Variants in FHIT observed in about 807,000 individuals in gnomAD.
FHIT encodes fragile histidine triad diadenosine triphosphatase, also known as bis(5'-adenosyl)-triphosphatase.
FHIT carries 19 observed loss-of-function variants against 17.9 expected under a neutral mutation model. The observed-to-expected ratio is 1.06, with a 90% CI of 0.74 to 1.56. The LOEUF is 1.56. Ranked by LOEUF, FHIT falls within the 40% of genes most tolerant of loss-of-function variation. The pLI, the probability that FHIT is intolerant of heterozygous loss-of-function variation, is 0.00. For synonymous variants in FHIT, 81 were observed against 69.7 expected (o/e 1.16, Z -0.81); for missense variants, 248 against 189.2 (o/e 1.31, Z -1.82).
chr3:59,957,478 T>C (rs1385011657), intron 7 of FHIT, among the ~76,000 whole-genome samples: 3 of 152,216 alleles, frequency 2.0e-5, no homozygotes, highest in Non-Finnish European at 2.9e-5. Context: ...TTTTGTTATA[T>C]CTACCATAAA....
At chr3:60,764,813 A>T (rs1553720954) in intron 4 of FHIT, among the ~76,000 whole-genome samples, 1 of 151,308 alleles carries the variant, frequency 6.6e-6, no homozygotes, top group African/African-American at 2.4e-5. Context: ...TATATAAATG[A>T]CATGTCAATA....
At chr3:60,972,240 A>T (rs1364901285) in intron 3 of FHIT, among the ~76,000 whole-genome samples, 2 of 152,094 alleles carry the variant, frequency 1.3e-5, no homozygotes. Context: ...CCTCTGACTG[A>T]GGAGCTCCTT....
intron 5 of FHIT, among the ~76,000 whole-genome samples, chr3:60,433,270 GT>G (rs963945803): frequency 4.6e-5 from 7 of 151,908 alleles, no homozygotes; most frequent in African/African-American, 9.6e-5. Context: ...ATATATATAT[GT>G]GGGGGGTGTA....
At chr3:60,620,584 G>A (rs113509197) in intron 4 of FHIT, among the ~76,000 whole-genome samples, 1,837 of 149,194 alleles carry the variant, frequency 0.012, 49 homozygotes, top group African/African-American at 0.044. Flanking sequence ...GGGATACATT[G>A]GAAAAAAAAA....
At chr3:60,045,712 T>C (rs781012633) in intron 5 of FHIT, among the ~76,000 whole-genome samples, 2 of 152,172 alleles carry the variant, frequency 1.3e-5, no homozygotes, top group African/African-American at 4.8e-5. Context: ...AACAAATGGA[T>C]TGATCTGGAA....
In FHIT at chr3:61,173,042, G is replaced by A. The variant is rs115640457; in HGVS notation, c.-164+27575C>T. On this transcript the variant is annotated intron_variant, in intron 2 of 9. Coordinates refer to ENST00000492590, the MANE Select transcript of FHIT (RefSeq NM_002012.4). Reference sequence around the variant, plus strand: ...GGAAATACTACCATGGAGGAGACAGGGCCAGATGTTGCCATGTCTTCCCAG... The same window carrying A: ...GGAAATACTACCATGGAGGAGACAGAGCCAGATGTTGCCATGTCTTCCCAG... Among the ~76,000 whole-genome samples the A allele has an allele frequency of 7.5e-3, 1,136 of 152,166 alleles. 12 individuals carry two copies. The highest frequency in any genetic ancestry group is 0.026 in the African/African-American group (1,090 of 41,500).
intron 5 of FHIT, among the ~76,000 whole-genome samples, chr3:60,523,040 G>C (rs940294810): frequency 2.6e-5 from 4 of 152,124 alleles, no homozygotes; most frequent in African/African-American, 9.7e-5. Context: ...CAAGTGAAAG[G>C]GGAAACTCCT....
At chr3:60,592,542 G>T (rs1275163469) in intron 4 of FHIT, among the ~76,000 whole-genome samples, 1 of 152,056 alleles carries the variant, frequency 6.6e-6, no homozygotes, top group Non-Finnish European at 1.5e-5. Context: ...CTCTGTGATG[G>T]TTCTTATTCT....
intron 2 of FHIT, among the ~76,000 whole-genome samples, chr3:61,077,032 T>G (rs2034992964): frequency 6.6e-6 from 1 of 152,126 alleles, no homozygotes; most frequent in African/African-American, 2.4e-5. Context: ...GCTAAATGTG[T>G]TTATTATTTA....
intron 2 of FHIT, among the ~76,000 whole-genome samples, chr3:61,144,549 A>G (rs574277370): frequency 6.6e-6 from 1 of 152,338 alleles, no homozygotes; most frequent in Admixed American, 6.5e-5. Flanking sequence ...TCTCTTGGGT[A>G]CATACCTAGG....
chr3:60,011,243 C>A, intron 7 of FHIT, 128 bp downstream of exon 7: 3 of 810,008 alleles, frequency 3.7e-6, no homozygotes, highest in South Asian at 3.1e-5. Context: ...GGCTCTAACA[C>A]TGAGGGTCTC....
chr3:60,539,132 G>C (rs1305602356), intron 4 of FHIT, among the ~76,000 whole-genome samples: 1 of 152,164 alleles, frequency 6.6e-6, no homozygotes, highest in African/African-American at 2.4e-5. Flanking sequence ...GTGGGCGAAA[G>C]ATATGAACAG....
At chr3:60,681,278 T>C (rs1316257336) in intron 4 of FHIT, among the ~76,000 whole-genome samples, 1 of 152,220 alleles carries the variant, frequency 6.6e-6, no homozygotes, top group Non-Finnish European at 1.5e-5. Flanking sequence ...TAGATGTTCC[T>C]ATTGTAAGTG....
intron 5 of FHIT, among the ~76,000 whole-genome samples, chr3:60,091,871 T>C (rs1703747993): frequency 6.6e-6 from 1 of 152,134 alleles, no homozygotes; most frequent in Non-Finnish European, 1.5e-5. Flanking sequence ...GCTTCCTGTA[T>C]GGCATACAGA....
At chr3:61,216,090 C>T (rs2039665975) in intron 1 of FHIT, among the ~76,000 whole-genome samples, 1 of 152,110 alleles carries the variant, frequency 6.6e-6, no homozygotes, top group African/African-American at 2.4e-5. Context: ...TGGGCAAGGA[C>T]TTCATGTCTA....
intron 5 of FHIT, among the ~76,000 whole-genome samples, chr3:60,168,963 T>C (rs531239792): frequency 2.0e-5 from 3 of 152,306 alleles, no homozygotes; most frequent in South Asian, 4.1e-4. Context: ...TGTGCTGCTA[T>C]ATTCACTGCT....
At chr3:60,246,497 T>C (rs11715172) in intron 5 of FHIT, among the ~76,000 whole-genome samples, 26,418 of 151,902 alleles carry the variant, frequency 0.17, 2,443 homozygotes, top group Admixed American at 0.26. Context: ...AAGCAGAAAA[T>C]GGGAGTCTTT....
intron 8 of FHIT, among the ~76,000 whole-genome samples, chr3:59,912,192 C>A (rs902918218): frequency 1.3e-5 from 2 of 152,228 alleles, no homozygotes; most frequent in South Asian, 4.1e-4. Context: ...TCTCCCTCCA[C>A]ATTTGAGGTA....
chr3:61,225,643 T>A (rs146282038), intron 1 of FHIT, among the ~76,000 whole-genome samples: 50 of 152,354 alleles, frequency 3.3e-4, no homozygotes, highest in Non-Finnish European at 6.3e-4. Context: ...TGGAGGGTTA[T>A]TGTTGATTCC....
Sources: allele counts gnomAD v4.1 joint callset (sites outside exome capture counted in the v4.1 genomes callset), GRCh38; gene constraint gnomAD v4.1.1; transcripts MANE v1.5; gene names NCBI Gene and HGNC (gene_info 2026-07-23, HGNC 2026-07-21).